Variants in ANKMY2 observed in about 807,000 individuals in gnomAD.
The protein encoded by ANKMY2 is ankyrin repeat and MYND domain-containing protein 2.
ANKMY2 carries 36 observed loss-of-function variants against 50.4 expected under a neutral mutation model. The observed-to-expected ratio is 0.71, with a 90% confidence interval of 0.55 to 0.94. ANKMY2 has a LOEUF of 0.94. Among genes scored for constraint, ANKMY2 ranks in the 40% least tolerant of loss-of-function variants. The probability of loss-of-function intolerance (pLI) is 0.00; values close to 1 mark genes in which losing one functional copy is unlikely to be tolerated. For missense variants in ANKMY2, 565 were observed against 524.0 expected (o/e 1.08, Z -0.76); for synonymous variants, 187 against 178.8 (o/e 1.05, Z -0.36).
chr7:16,628,785 T>G (rs1420348410), intron 2 of ANKMY2, among the ~76,000 whole-genome samples: 1 of 151,896 alleles, frequency 6.6e-6, no homozygotes, highest in East Asian at 1.9e-4. Flanking sequence ...CATCATGGAG[T>G]TTGTTTTTTT....
At chr7:16,605,234 T>C (rs995939052) in intron 7 of ANKMY2, among the ~76,000 whole-genome samples, 7 of 152,200 alleles carry the variant, frequency 4.6e-5, no homozygotes, top group African/African-American at 9.7e-5. Context: ...GAGACAATTA[T>C]AGGGCACATC....
intron 2 of ANKMY2, among the ~76,000 whole-genome samples, chr7:16,635,223 T>C (rs1403820585): frequency 6.6e-6 from 1 of 152,190 alleles, no homozygotes. Flanking sequence ...TGAATCTCTA[T>C]GCTAAATAAA....
In ANKMY2 at chr7:16,622,777, TAAATAAATAA is replaced by T. The variant is rs1562773936; in HGVS notation, c.370+2196_370+2205del. Reference sequence around the variant, plus strand: ...ATAAATAAATAAATAAATAAATAAATAAATAAATAAAAATAAAAACTCTATATCCTTTGTC... The same window carrying T: ...ATAAATAAATAAATAAATAAATAAATAAATAAAAACTCTATATCCTTTGTC... On this transcript the variant is annotated intron_variant, in intron 4 of 9. Coordinates refer to ENST00000306999, the MANE Select transcript of ANKMY2 (RefSeq NM_020319.3). Among the ~76,000 whole-genome samples the T allele has an allele frequency of 3.0e-5, 3 of 101,478 alleles. No homozygotes were observed. The East Asian group carries it at 8.2e-4, about 28-fold the overall frequency. 66.6% of individuals were successfully genotyped at this position (101,478 alleles called of 152,430 possible).
chr7:16,609,497 C>T (rs1326693029), intron 7 of ANKMY2, 133 bp downstream of exon 7: 13 of 1,037,604 alleles, frequency 1.3e-5, no homozygotes, highest in East Asian at 3.2e-5. Context: ...GCAGGCAAAC[C>T]TATCTCCACC....
At chr7:16,629,640 C>T (rs1378991193) in intron 2 of ANKMY2, among the ~76,000 whole-genome samples, 1 of 151,834 alleles carries the variant, frequency 6.6e-6, no homozygotes, top group Non-Finnish European at 1.5e-5. Flanking sequence ...TTTTCAGATA[C>T]CAAATTTAAG....
chr7:16,645,753 T>C lies in ANKMY2; in HGVS notation c.-180A>G, dbSNP rs952573825. ...GCGGGCTGGCGGACAGCGGGCGAGC[T>C]CGGGCGAGCCAGGCGGACGGTCTCC... On this transcript the variant is annotated 5_prime_UTR_variant, in exon 1 of 10. Coordinates refer to ENST00000306999, the MANE Select transcript of ANKMY2 (RefSeq NM_020319.3). 1.1e-5 allele frequency: 7 copies of C among 633,556 alleles called. No individual in the cohort carries two copies. Among genetic ancestry groups the C allele is most frequent in the Admixed American group, 4.2e-5 (1 of 23,914 alleles). 39.2% of individuals were successfully genotyped at this position (633,556 alleles called of 1,614,324 possible).
At chr7:16,634,747 G>C (rs1781633214) in intron 2 of ANKMY2, among the ~76,000 whole-genome samples, 1 of 152,118 alleles carries the variant, frequency 6.6e-6, no homozygotes, top group African/African-American at 2.4e-5. Context: ...AGAGGACAAG[G>C]AAGTGCCTTA....
chr7:16,645,735 G>A lies in ANKMY2; in HGVS notation c.-162C>T, dbSNP rs899837439. On this transcript the variant is annotated 5_prime_UTR_variant, in exon 1 of 10. Coordinates refer to ENST00000306999, the MANE Select transcript of ANKMY2 (RefSeq NM_020319.3). The stretch of plus-strand genomic sequence containing the variant: ...GCTTCTCTCCTCCCTCCCGCGGGCT[G>A]GCGGACAGCGGGCGAGCTCGGGCGA... 1 of 780,436 alleles carries A rather than the reference G, an allele frequency of 1.3e-6. No individual in the cohort carries two copies. Among genetic ancestry groups the A allele is most frequent in the African/African-American group, 1.8e-5 (1 of 54,128 alleles). The allele number at this position is 780,436 out of a possible 1,614,324, so 48.3% of individuals were successfully genotyped here.
At chr7:16,616,023 C>A in intron 4 of ANKMY2, 119 bp from the exon 5 acceptor site, 1 of 970,650 alleles carries the variant, frequency 1.0e-6, no homozygotes, top group Non-Finnish European at 1.5e-6. Context: ...CTTTATTTTT[C>A]AGGAAAGGAG....
chr7:16,636,176 G>A (rs1781655963), intron 2 of ANKMY2, among the ~76,000 whole-genome samples: 1 of 151,644 alleles, frequency 6.6e-6, no homozygotes, highest in Admixed American at 6.6e-5. Context: ...GGTGGTGGGT[G>A]ACTGTAATCC....
intron 2 of ANKMY2, among the ~76,000 whole-genome samples, chr7:16,632,038 T>A (rs1488044222): frequency 6.6e-6 from 1 of 152,142 alleles, no homozygotes; most frequent in Non-Finnish European, 1.5e-5. Flanking sequence ...ATTGCAGTTA[T>A]GTTTTTCTTT....
intron 5 of ANKMY2, among the ~76,000 whole-genome samples, chr7:16,611,746 C>T (rs1450058532): frequency 6.6e-6 from 1 of 152,196 alleles, no homozygotes; most frequent in African/African-American, 2.4e-5. Flanking sequence ...CCCCACCCTT[C>T]ACCTATTTTA....
At position 16,600,879 on chromosome 7, in the gene ANKMY2, G is replaced by C. The variant is rs1781046125; in HGVS notation, c.1208C>G (p.Ser403Cys). The change falls in exon 10 of 10, where the codon TCT becomes TGT. Residue 403 changes from serine to cysteine, a missense_variant. Physicochemically the swap from Ser to Cys is moderately radical, Grantham distance 112. Coordinates refer to ENST00000306999, the MANE Select transcript of ANKMY2 (RefSeq NM_020319.3). ...ATCTTCAGGATTGGAATCCTTTTGA[G>C]AGATACCTACTTCAGCCTCTGGTTG... The part of the protein sequence containing the change: ...EEQPEAEVGI[S>C]QKDSNPEDSG... 5.0e-6 allele frequency: 8 copies of C among 1,612,614 alleles called. No individual in the cohort carries two copies. The East Asian group carries it at 1.8e-4, about 36-fold the overall frequency.
At chr7:16,624,527 G>C (rs923823991) in intron 4 of ANKMY2, among the ~76,000 whole-genome samples, 1 of 152,254 alleles carries the variant, frequency 6.6e-6, no homozygotes, top group Admixed American at 6.5e-5. Context: ...CATTTATTTA[G>C]TGTTACATGG....
intron 9 of ANKMY2, among the ~76,000 whole-genome samples, chr7:16,601,901 CT>C (rs775528172): frequency 6.6e-6 from 1 of 152,094 alleles, no homozygotes; most frequent in South Asian, 2.1e-4. Flanking sequence ...GAAATTTGAT[CT>C]GTATATTAGA....
At chr7:16,637,977 G>A (rs1781691111) in intron 1 of ANKMY2, among the ~76,000 whole-genome samples, 1 of 152,168 alleles carries the variant, frequency 6.6e-6, no homozygotes. Context: ...ATTCTCTAAG[G>A]TGTTTGCCAA....
intron 7 of ANKMY2, among the ~76,000 whole-genome samples, chr7:16,606,247 T>C (rs977032901): frequency 2.6e-5 from 4 of 151,998 alleles, no homozygotes; most frequent in African/African-American, 7.2e-5. Context: ...CCTGACCAAC[T>C]TGGTGAAGCC....
intron 2 of ANKMY2, among the ~76,000 whole-genome samples, chr7:16,632,822 T>G (rs1781607607): frequency 6.6e-6 from 1 of 152,232 alleles, no homozygotes; most frequent in Admixed American, 6.5e-5. Context: ...TGTGAGGAAC[T>G]GCGAGACTAT....
intron 4 of ANKMY2, among the ~76,000 whole-genome samples, chr7:16,622,843 G>C (rs1458080219): frequency 6.6e-6 from 1 of 152,030 alleles, no homozygotes; most frequent in Non-Finnish European, 1.5e-5. Context: ...AAATACTTTA[G>C]AGATATTAAA....
Sources: gnomAD v4.1 joint callset for allele counts (sites outside exome capture counted in the v4.1 genomes callset) on GRCh38, gnomAD v4.1.1 for gene constraint, MANE v1.5 for transcripts, NCBI Gene and HGNC (gene_info 2026-07-23, HGNC 2026-07-21) for gene names.